The following ITSN1 variants were observed in gnomAD, a reference collection of about 807,000 sequenced individuals.
ITSN1 encodes the protein intersectin 1, also known as intersectin-1.
ITSN1 carries 58 observed loss-of-function variants against 239.8 expected under a neutral mutation model. The observed-to-expected ratio is 0.24, with a 90% CI of 0.20 to 0.30. The LOEUF (loss-of-function observed/expected upper bound fraction) is 0.30, where lower values mean the gene tolerates loss of function less well. ITSN1 is among the 10% of genes least tolerant of loss of function. ITSN1 has a pLI of 1.00. For synonymous variants in ITSN1, 780 were observed against 770.8 expected, an observed-to-expected ratio of 1.01 and a Z score of -0.20; for missense variants, 1,558 against 2,103.3, an observed-to-expected ratio of 0.74 and a Z score of 5.07.
intron 33 of ITSN1, among the ~76,000 whole-genome samples, chr21:33,871,667 C>T (rs1047347221): frequency 7.9e-5 from 12 of 151,056 alleles, no homozygotes; most frequent in Admixed American, 2.6e-4. Context: ...CTTAAACCCA[C>T]GAGGTGAAAG....
intron 20 of ITSN1, among the ~76,000 whole-genome samples, chr21:33,807,424 G>A (rs1047904144): frequency 2.0e-5 from 3 of 152,164 alleles, no homozygotes; most frequent in African/African-American, 7.2e-5. Flanking sequence ...TGCAACCTCC[G>A]CCTCCCGGGT....
intron 20 of ITSN1, among the ~76,000 whole-genome samples, chr21:33,809,389 AAAT>A (rs746702831): frequency 1.8e-4 from 28 of 152,224 alleles, no homozygotes; most frequent in Non-Finnish European, 4.0e-4. Flanking sequence ...AATATATTGT[AAAT>A]AACAGGTAGA....
intron 21 of ITSN1, among the ~76,000 whole-genome samples, chr21:33,813,112 A>G (rs1413747422): frequency 6.6e-6 from 1 of 152,140 alleles, no homozygotes; most frequent in Non-Finnish European, 1.5e-5. Context: ...ACTAACCTTA[A>G]GTGGCACAGT....
Position 33,722,544 on chromosome 21 carries a change from GT to G in ITSN1, c.122-29del, listed in dbSNP as rs373376953. ...TATTACAGGATTTCTGTCAGCTGTT[GT>G]TTTTTTTTTTTTTTCCTGAAACTTT... On this transcript the variant is annotated intron_variant, in intron 3 of 39. Transcript: ENST00000381318. The G allele has an allele frequency of 0.083, 97,807 of 1,181,472 alleles. 83 individuals carry two copies. Among genetic ancestry groups the G allele is most frequent in the East Asian group, 0.24 (8,079 of 33,482 alleles). 73.2% of individuals were successfully genotyped at this position (1,181,472 alleles called of 1,614,324 possible). A position where few individuals can be genotyped will look rare whatever the true frequency, so the allele number is the denominator to read the frequency against.
intron 10 of ITSN1, among the ~76,000 whole-genome samples, chr21:33,766,800 A>G (rs754520707): frequency 2.4e-4 from 37 of 152,254 alleles, no homozygotes; most frequent in Non-Finnish European, 5.0e-4. Flanking sequence ...AAATCCCACA[A>G]CTGCAACATT....
chr21:33,758,462 C>T (rs1013466854), intron 8 of ITSN1, among the ~76,000 whole-genome samples: 11 of 152,238 alleles, frequency 7.2e-5, no homozygotes, highest in East Asian at 1.9e-4. Flanking sequence ...TTGATTTAGC[C>T]GATACATCCT....
intron 1 of ITSN1, among the ~76,000 whole-genome samples, chr21:33,718,090 C>T (rs542675864): frequency 1.3e-5 from 2 of 152,300 alleles, no homozygotes; most frequent in African/African-American, 4.8e-5. Flanking sequence ...TCGTGCTAAT[C>T]ACGTACCCTT....
At chr21:33,717,102 T>A (rs1342967599) in intron 1 of ITSN1, among the ~76,000 whole-genome samples, 2 of 152,116 alleles carry the variant, frequency 1.3e-5, no homozygotes, top group African/African-American at 4.8e-5. Flanking sequence ...AATTGGAAGA[T>A]GAAATTGAGA....
chr21:33,690,775 GTATATATATA>G (rs1160314187), intron 1 of ITSN1, among the ~76,000 whole-genome samples: 3 of 21,612 alleles, frequency 1.4e-4, no homozygotes, highest in African/African-American at 4.9e-4. Context: ...AAAAAAAAGT[GTATATATATA>G]TATACATATA....
At chr21:33,695,430 A>G (rs1283442274) in intron 1 of ITSN1, among the ~76,000 whole-genome samples, 1 of 152,228 alleles carries the variant, frequency 6.6e-6, no homozygotes, top group Non-Finnish European at 1.5e-5. Context: ...TATTCAGTGA[A>G]GTACATATTG....
chr21:33,758,311 T>G (rs976268396), intron 8 of ITSN1, among the ~76,000 whole-genome samples: 1 of 152,162 alleles, frequency 6.6e-6, no homozygotes, highest in Non-Finnish European at 1.5e-5. Context: ...AACTGGGTTT[T>G]GCCATGTTCC....
intron 34 of ITSN1, among the ~76,000 whole-genome samples, chr21:33,880,791 C>T (rs1411492693): frequency 2.0e-5 from 3 of 152,056 alleles, no homozygotes; most frequent in South Asian, 2.1e-4. Flanking sequence ...AGATGGGGAG[C>T]GTGAGGGGCT....
intron 1 of ITSN1, among the ~76,000 whole-genome samples, chr21:33,662,089 C>T (rs951379026): frequency 6.6e-6 from 1 of 152,066 alleles, no homozygotes; most frequent in East Asian, 1.9e-4. Flanking sequence ...TCCCTGTTGA[C>T]CTTCCCCTTT....
intron 21 of ITSN1, among the ~76,000 whole-genome samples, chr21:33,812,989 T>C (rs1442293746): frequency 1.3e-5 from 2 of 152,078 alleles, no homozygotes; most frequent in Non-Finnish European, 2.9e-5. Context: ...GTAGCTTTTT[T>C]TTTTCTCATT....
chr21:33,802,772 GA>G lies in ITSN1; in HGVS notation c.2319+335del, dbSNP rs1007115919. On this transcript the variant is annotated intron_variant, in intron 20 of 39. Transcript: ENST00000381318. Reference sequence around the variant, plus strand: ...TTAAACATAAAAGATAAAATTCTGGGAAAAAAATTTTTTTAAGCAGACTATT... The same window carrying G: ...TTAAACATAAAAGATAAAATTCTGGGAAAAAATTTTTTTAAGCAGACTATT... 1.2e-4 allele frequency among the ~76,000 whole-genome samples: 18 copies of G among 152,196 alleles called. 1 individual carries two copies. Among genetic ancestry groups the G allele is most frequent in the African/African-American group, 2.4e-5 (1 of 41,534 alleles).
At chr21:33,690,811 ATATG>A (rs1467034106) in intron 1 of ITSN1, among the ~76,000 whole-genome samples, 297 of 20,104 alleles carry the variant, frequency 0.015, 65 homozygotes, top group Non-Finnish European at 0.02. Flanking sequence ...ATATATATAT[ATATG>A]TATATATATA....
At position 33,895,596 on chromosome 21, in the gene ITSN1, CAT is replaced by C. The variant is rs1423724032; in HGVS notation, c.*7297_*7298del. The C allele has an allele frequency of 1.6e-5, 2 of 123,878 alleles. No individual in the cohort carries two copies. The highest frequency in any genetic ancestry group is 2.7e-4 in the South Asian group (1 of 3,694). 7.7% of individuals were successfully genotyped at this position (123,878 alleles called of 1,614,324 possible). On this transcript the variant is annotated 3_prime_UTR_variant, in exon 40 of 40. Transcript: ENST00000381318. ...GTGCGTGTGTGCATGTTTGTGAGTGCATGTGTTTGTGCGTGTGTGCGTATTTG... is the reference window on the plus strand; with the variant it reads ...GTGCGTGTGTGCATGTTTGTGAGTGCGTGTTTGTGCGTGTGTGCGTATTTG...
chr21:33,799,735 T>G (rs2071831695), intron 18 of ITSN1, 73 bp from the exon 19 acceptor site: 1 of 1,525,892 alleles, frequency 6.6e-7, no homozygotes, highest in African/African-American at 1.4e-5. Flanking sequence ...GGTTAGTTGT[T>G]TGGCTTGTTG....
At chr21:33,678,571 A>G (rs2090737974) in intron 1 of ITSN1, among the ~76,000 whole-genome samples, 1 of 152,190 alleles carries the variant, frequency 6.6e-6, no homozygotes, top group Admixed American at 6.5e-5. Flanking sequence ...ACAGCAGCTC[A>G]GCTTTTATAT....
Sources: allele counts gnomAD v4.1 joint callset (sites outside exome capture counted in the v4.1 genomes callset), GRCh38; gene constraint gnomAD v4.1.1; transcripts MANE v1.5; gene names NCBI Gene and HGNC (gene_info 2026-07-23, HGNC 2026-07-21).